SUPT3H: variants seen among roughly 807,000 people sequenced by gnomAD.
SUPT3H encodes the protein SPT3 homolog, SAGA and STAGA complex component, also known as transcription initiation protein SPT3 homolog.
A neutral mutation model predicts 44.3 loss-of-function variants in SUPT3H; 44 were observed. The observed-to-expected ratio is 0.99, with a 90% CI of 0.78 to 1.28. The LOEUF (loss-of-function observed/expected upper bound fraction) is 1.28, where lower values mean the gene tolerates loss of function less well. Among genes scored for constraint, SUPT3H ranks in the 50% most tolerant of loss-of-function variants. SUPT3H has a pLI of 0.00. For synonymous variants in SUPT3H, 124 were observed against 125.6 expected (o/e 0.99, Z 0.09); for missense variants, 380 against 387.1 (o/e 0.98, Z 0.15).
At chr6:45,026,880 T>C (rs1786092418) in intron 3 of SUPT3H, among the ~76,000 whole-genome samples, 1 of 152,132 alleles carries the variant, frequency 6.6e-6, no homozygotes, top group African/African-American at 2.4e-5. Context: ...ACCAAACTAT[T>C]TTTGAAAAAT....
At chr6:44,989,196 C>A (rs1318617366) in intron 6 of SUPT3H, among the ~76,000 whole-genome samples, 1 of 152,006 alleles carries the variant, frequency 6.6e-6, no homozygotes, top group Non-Finnish European at 1.5e-5. Context: ...AACCCATCAC[C>A]CTTTGGTTAC....
chr6:45,220,872 G>A (rs1381743902), intron 2 of SUPT3H, among the ~76,000 whole-genome samples: 1 of 151,992 alleles, frequency 6.6e-6, no homozygotes, highest in African/African-American at 2.4e-5. Flanking sequence ...CCCATTACTG[G>A]GTATATACCC....
chr6:45,318,784 G>C (rs962272558), intron 2 of SUPT3H, among the ~76,000 whole-genome samples: 2 of 151,988 alleles, frequency 1.3e-5, no homozygotes, highest in African/African-American at 4.8e-5. Context: ...AAAATGACAG[G>C]AGTCCTAGAG....
intron 10 of SUPT3H, among the ~76,000 whole-genome samples, chr6:44,908,274 C>G (rs565242244): frequency 6.6e-6 from 1 of 151,642 alleles, no homozygotes; most frequent in African/African-American, 2.4e-5. Context: ...GCCTCAGCCT[C>G]CCAAGTAGCT....
chr6:44,850,616 A>T (rs999410926), intron 10 of SUPT3H, among the ~76,000 whole-genome samples: 1 of 152,210 alleles, frequency 6.6e-6, no homozygotes, highest in Admixed American at 6.5e-5. Context: ...CAAGACAAAA[A>T]CATTCTCAAA....
At chr6:45,178,054 A>T (rs4404770) in intron 2 of SUPT3H, among the ~76,000 whole-genome samples, 92,905 of 151,422 alleles carry the variant, frequency 0.61, 29,062 homozygotes, top group African/African-American at 0.74. Context: ...GACAGGATCA[A>T]ATTCACACAT....
At chr6:45,177,921 G>A (rs369591954) in intron 2 of SUPT3H, among the ~76,000 whole-genome samples, 438 of 152,038 alleles carry the variant, frequency 2.9e-3, no homozygotes, top group African/African-American at 7.3e-3. Context: ...TGAAGGAAGC[G>A]CTAAACATGG....
chr6:45,119,558 T>C (rs1279385614), intron 2 of SUPT3H, among the ~76,000 whole-genome samples: 1 of 152,194 alleles, frequency 6.6e-6, no homozygotes, highest in Non-Finnish European at 1.5e-5. Flanking sequence ...ATGCTTATTA[T>C]ATGTATATAG....
chr6:45,193,690 T>G (rs1815523559), intron 2 of SUPT3H, among the ~76,000 whole-genome samples: 1 of 152,102 alleles, frequency 6.6e-6, no homozygotes, highest in Non-Finnish European at 1.5e-5. Flanking sequence ...CACTCCAGCC[T>G]GAGCAACAAG....
chr6:45,058,147 CCTT>C (rs2153540328), intron 3 of SUPT3H, among the ~76,000 whole-genome samples: 1 of 152,070 alleles, frequency 6.6e-6, no homozygotes, highest in South Asian at 2.1e-4. Flanking sequence ...ATTTTAAACT[CCTT>C]ATTATTGGAA....
intron 9 of SUPT3H, among the ~76,000 whole-genome samples, chr6:44,943,908 G>T (rs1772867934): frequency 6.6e-6 from 1 of 151,860 alleles, no homozygotes; most frequent in Admixed American, 6.6e-5. Flanking sequence ...GAACAGAAAA[G>T]AAAAATGATA....
At chr6:45,248,999 A>C (rs1771883358) in intron 2 of SUPT3H, among the ~76,000 whole-genome samples, 1 of 152,150 alleles carries the variant, frequency 6.6e-6, no homozygotes, top group East Asian at 1.9e-4. Context: ...GGCAGTTTCT[A>C]ACAAAATTAA....
intron 10 of SUPT3H, among the ~76,000 whole-genome samples, chr6:44,870,029 T>C (rs1003846566): frequency 2.6e-5 from 4 of 152,222 alleles, no homozygotes; most frequent in African/African-American, 9.6e-5. Flanking sequence ...AACCAGTCTT[T>C]TGCCAATTAT....
At chr6:45,372,056 G>A in intron 1 of SUPT3H, 1 of 963,720 alleles carries the variant, frequency 1.0e-6, no homozygotes. Context: ...TAACCCAAAA[G>A]GCCTCCACAA....
intron 2 of SUPT3H, among the ~76,000 whole-genome samples, chr6:45,184,094 G>A (rs114298062): frequency 5.0e-4 from 76 of 152,192 alleles, no homozygotes; most frequent in Non-Finnish European, 6.0e-4. Context: ...AATGCAAGAC[G>A]TTAATAAGTG....
intron 6 of SUPT3H, among the ~76,000 whole-genome samples, chr6:44,995,004 T>G (rs1377234800): frequency 6.6e-6 from 1 of 152,022 alleles, no homozygotes; most frequent in African/African-American, 2.4e-5. Flanking sequence ...ACATCATTAT[T>G]ACTGCTCTGA....
chr6:45,369,834 C>A (rs1467775695), intron 1 of SUPT3H, among the ~76,000 whole-genome samples: 1 of 151,994 alleles, frequency 6.6e-6, no homozygotes, highest in African/African-American at 2.4e-5. Flanking sequence ...ATCAAAAAAA[C>A]AAGTTGATTT....
Position 45,154,671 on chromosome 6 carries a change from G to T in SUPT3H, c.102-48665C>A, listed in dbSNP as rs56232702. Among the ~76,000 whole-genome samples the T allele has an allele frequency of 2.0e-3, 302 of 152,122 alleles. 3 individuals are homozygous for T. Among genetic ancestry groups the T allele is most frequent in the African/African-American group, 7.1e-3 (296 of 41,504 alleles). On this transcript the variant is annotated intron_variant, in intron 2 of 10. Coordinates refer to ENST00000371459, the MANE Select transcript of SUPT3H (RefSeq NM_003599.4). ...TTAGTCCCAGGCCATTGTTCTTCAGGCTCATTCATATCCCCTAAAAATCAT... is the reference window on the plus strand; with the variant it reads ...TTAGTCCCAGGCCATTGTTCTTCAGTCTCATTCATATCCCCTAAAAATCAT...
intron 3 of SUPT3H, among the ~76,000 whole-genome samples, chr6:45,040,629 T>C (rs764304594): frequency 6.6e-6 from 1 of 152,210 alleles, no homozygotes; most frequent in Non-Finnish European, 1.5e-5. Context: ...GAGAAATTCA[T>C]ACTCTTGAAC....
Sources: allele counts gnomAD v4.1 joint callset (sites outside exome capture counted in the v4.1 genomes callset), GRCh38; gene constraint gnomAD v4.1.1; transcripts MANE v1.5; gene names NCBI Gene and HGNC (gene_info 2026-07-23, HGNC 2026-07-21).